Variants in MACROD2 observed in about 807,000 individuals in gnomAD.
MACROD2 encodes the protein ADP-ribose glycohydrolase MACROD2.
Under a neutral mutation model 70.4 loss-of-function variants are expected in MACROD2, and 36 were observed. That is an observed-to-expected ratio of 0.51 (90% CI 0.39 to 0.68). MACROD2 has a LOEUF of 0.68. MACROD2 is among the 30% of genes least tolerant of loss of function. The probability of loss-of-function intolerance (pLI) is 0.00; values close to 1 mark genes in which losing one functional copy is unlikely to be tolerated. For missense variants in MACROD2, 496 were observed against 538.4 expected (o/e 0.92, Z 0.78); for synonymous variants, 172 against 178.8 (o/e 0.96, Z 0.30).
chr20:14,075,198 A>G (rs1167237641), intron 2 of MACROD2, among the ~76,000 whole-genome samples: 2 of 152,226 alleles, frequency 1.3e-5, no homozygotes, highest in African/African-American at 4.8e-5. Context: ...GATTTACTAT[A>G]AGAACAAATT....
chr20:14,831,238 G>A (rs757573815), intron 5 of MACROD2, among the ~76,000 whole-genome samples: 2 of 152,068 alleles, frequency 1.3e-5, no homozygotes, highest in African/African-American at 2.4e-5. Context: ...TACCTGTGGC[G>A]CAGTGGCTGA....
chr20:14,981,588 T>C (rs1768699823), intron 5 of MACROD2, among the ~76,000 whole-genome samples: 1 of 151,984 alleles, frequency 6.6e-6, no homozygotes, highest in East Asian at 1.9e-4. Context: ...TGGGGGCAGA[T>C]CTTTCCTGTG....
At chr20:15,281,024 C>T (rs2077439222) in intron 6 of MACROD2, among the ~76,000 whole-genome samples, 1 of 152,220 alleles carries the variant, frequency 6.6e-6, no homozygotes, top group Non-Finnish European at 1.5e-5. Flanking sequence ...TAGGCACTTT[C>T]TTCACAGGGT....
intron 8 of MACROD2, among the ~76,000 whole-genome samples, chr20:15,716,072 A>G (rs1283157068): frequency 6.6e-6 from 1 of 152,166 alleles, no homozygotes; most frequent in Non-Finnish European, 1.5e-5. Flanking sequence ...CTATTAAATT[A>G]TTTATCTTCA....
chr20:14,947,186 A>C (rs141325254), intron 5 of MACROD2, among the ~76,000 whole-genome samples: 1 of 152,190 alleles, frequency 6.6e-6, no homozygotes, highest in Non-Finnish European at 1.5e-5. Flanking sequence ...GGGGACAGTC[A>C]AAGTTGTCTT....
chr20:15,583,697 G>A (rs1019803809), intron 8 of MACROD2, among the ~76,000 whole-genome samples: 6 of 152,110 alleles, frequency 3.9e-5, no homozygotes, highest in African/African-American at 9.7e-5. Context: ...AGGTTGGAGT[G>A]CAGTGGCATG....
intron 5 of MACROD2, among the ~76,000 whole-genome samples, chr20:14,889,285 T>A (rs2073720979): frequency 6.6e-6 from 1 of 152,100 alleles, no homozygotes; most frequent in Admixed American, 6.6e-5. Context: ...CAGGAGAAGA[T>A]CTCTGCCCTC....
At chr20:14,192,954 C>T (rs1446266350) in intron 3 of MACROD2, among the ~76,000 whole-genome samples, 1 of 152,170 alleles carries the variant, frequency 6.6e-6, no homozygotes, top group Non-Finnish European at 1.5e-5. Context: ...TAACTTGATC[C>T]AGCTGCACAA....
intron 5 of MACROD2, among the ~76,000 whole-genome samples, chr20:15,107,818 CT>C (rs2075922982): frequency 6.6e-6 from 1 of 151,886 alleles, no homozygotes; most frequent in Non-Finnish European, 1.5e-5. Flanking sequence ...GGGATTTTTA[CT>C]GTTTGGAATA....
chr20:15,420,770 T>C (rs1287748806), intron 6 of MACROD2, among the ~76,000 whole-genome samples: 1 of 152,128 alleles, frequency 6.6e-6, no homozygotes, highest in Non-Finnish European at 1.5e-5. Context: ...TACCAGAATA[T>C]ATTAGGTAGA....
At chr20:14,711,154 G>T (rs1232688250) in intron 5 of MACROD2, among the ~76,000 whole-genome samples, 1 of 152,172 alleles carries the variant, frequency 6.6e-6, no homozygotes, top group East Asian at 1.9e-4. Context: ...TGCTCAGATT[G>T]CTCTGGAGTG....
intron 8 of MACROD2, among the ~76,000 whole-genome samples, chr20:15,854,219 G>C (rs1297738611): frequency 6.6e-6 from 1 of 152,182 alleles, no homozygotes. Flanking sequence ...AATTAGGTGG[G>C]CTTTTAGAAG....
chr20:14,799,861 A>G (rs1220247807), intron 5 of MACROD2, among the ~76,000 whole-genome samples: 3 of 152,112 alleles, frequency 2.0e-5, no homozygotes, highest in African/African-American at 7.2e-5. Context: ...AATGGAAGAA[A>G]TATTCTTGTC....
chr20:14,139,542 G>A (rs1244379157), intron 3 of MACROD2, among the ~76,000 whole-genome samples: 1 of 152,066 alleles, frequency 6.6e-6, no homozygotes, highest in Non-Finnish European at 1.5e-5. Flanking sequence ...AATAAGAATT[G>A]TAAACAATTT....
chr20:15,152,830 C>G (rs934985006), intron 5 of MACROD2, among the ~76,000 whole-genome samples: 2 of 152,048 alleles, frequency 1.3e-5, no homozygotes, highest in Admixed American at 1.3e-4. Flanking sequence ...CCATGACTGG[C>G]ACTGGAGTTT....
At chr20:14,709,334 G>T (rs187126323) in intron 5 of MACROD2, among the ~76,000 whole-genome samples, 1 of 151,922 alleles carries the variant, frequency 6.6e-6, no homozygotes, top group Non-Finnish European at 1.5e-5. Context: ...AGAGGGGCAC[G>T]AAGTCTGTGG....
At chr20:15,770,088 TC>T (rs56871116) in intron 8 of MACROD2, among the ~76,000 whole-genome samples, 20,285 of 87,544 alleles carry the variant, frequency 0.23, 1,804 homozygotes, top group East Asian at 0.34. Flanking sequence ...ATTTTAATTT[TC>T]TTTTTTTTTT....
intron 3 of MACROD2, among the ~76,000 whole-genome samples, chr20:14,088,057 G>A (rs1397120465): frequency 2.0e-5 from 3 of 151,892 alleles, no homozygotes; most frequent in Non-Finnish European, 4.4e-5. Context: ...TCTGCTGGGC[G>A]CATTGGCTCA....
chr20:15,068,936 G>C (rs1183255540), intron 5 of MACROD2, among the ~76,000 whole-genome samples: 1 of 152,128 alleles, frequency 6.6e-6, no homozygotes, highest in Non-Finnish European at 1.5e-5. Context: ...AGGAAGACAA[G>C]GGAAAGTTTG....
Sources: allele counts gnomAD v4.1 joint callset (sites outside exome capture counted in the v4.1 genomes callset), GRCh38; gene constraint gnomAD v4.1.1; transcripts MANE v1.5; gene names NCBI Gene and HGNC (gene_info 2026-07-23, HGNC 2026-07-21).